The following ACSL5 variants were observed in gnomAD, a reference collection of about 807,000 sequenced individuals.
The protein encoded by ACSL5 is acyl-CoA synthetase long chain family member 5.
A neutral mutation model predicts 84.9 loss-of-function variants in ACSL5; 50 were observed. The observed-to-expected ratio is 0.59, with a 90% CI of 0.47 to 0.75. The LOEUF (loss-of-function observed/expected upper bound fraction) is 0.75. Among genes scored for constraint, ACSL5 ranks in the 30% least tolerant of loss-of-function variants. The pLI is 0.00. For missense variants in ACSL5, 775 were observed against 830.4 expected (o/e 0.93, Z 0.82); for synonymous variants, 280 against 300.7 (o/e 0.93, Z 0.71).
At chr10:112,383,840 G>A (rs907148215) in intron 1 of ACSL5, among the ~76,000 whole-genome samples, 3 of 151,526 alleles carry the variant, frequency 2.0e-5, no homozygotes, top group African/African-American at 7.3e-5. Context: ...GCATATTTCA[G>A]ATTAAACAGT....
chr10:112,422,560 T>C, intron 17 of ACSL5, 119 bp downstream of exon 17: 1 of 919,588 alleles, frequency 1.1e-6, no homozygotes, highest in South Asian at 1.5e-5. Context: ...CTGGAGGGGA[T>C]TAGGTTTGTA....
In ACSL5 at chr10:112,404,739, T is replaced by G; in HGVS notation, c.365T>G (p.Leu122Arg). Residue 122 changes from leucine to arginine, a missense_variant, in exon 5 of 21, where the codon CTC becomes CGC. Transcript: ENST00000354655. ...AGAGCAGAGTACCTGGGTTCCTGTC[T>G]CTTGCATAAAGGTTATAAATCATCA... is the stretch of plus-strand genomic sequence containing the variant. ...SDRAEYLGSC[L>R]LHKGYKSSPD... is the part of the protein sequence containing the mutation. 6.2e-7 allele frequency: 1 copy of G among 1,614,098 alleles called. No individual in the cohort carries two copies.
intron 1 of ACSL5, 38 bp from the exon 2 acceptor site, chr10:112,394,880 T>C: frequency 6.2e-7 from 1 of 1,603,788 alleles, no homozygotes; most frequent in Non-Finnish European, 8.5e-7. Context: ...AATATGGCCA[T>C]TTCCTCTAAA....
intron 5 of ACSL5, among the ~76,000 whole-genome samples, chr10:112,407,272 G>A (rs1415766345): frequency 6.6e-6 from 1 of 152,028 alleles, no homozygotes; most frequent in Non-Finnish European, 1.5e-5. Flanking sequence ...TTGCCAGGCT[G>A]GAGTACAGTG....
intron 12 of ACSL5, 23 bp from the exon 13 acceptor site, chr10:112,416,865 T>C: frequency 6.2e-7 from 1 of 1,611,654 alleles, no homozygotes. Flanking sequence ...GGTTTCCAAC[T>C]AAAAGGAGCT....
At chr10:112,412,263 T>C in intron 11 of ACSL5, 2 of 368,300 alleles carry the variant, frequency 5.4e-6, no homozygotes, top group Non-Finnish European at 9.7e-6. Context: ...ACTATCTATC[T>C]GCCCTTAATT....
intron 2 of ACSL5, among the ~76,000 whole-genome samples, chr10:112,395,311 C>G (rs57713932): frequency 6.6e-6 from 1 of 152,188 alleles, no homozygotes; most frequent in South Asian, 2.1e-4. Context: ...TGTCAGTAAT[C>G]TAGATTGGAG....
At chr10:112,385,509 G>A (rs543097227) in intron 1 of ACSL5, among the ~76,000 whole-genome samples, 9 of 152,280 alleles carry the variant, frequency 5.9e-5, no homozygotes, top group East Asian at 3.9e-4. Context: ...ATTTCTCACC[G>A]TTTCATCACT....
At chr10:112,419,710 G>A (rs995894520) in intron 14 of ACSL5, 2 of 152,078 alleles carry the variant, frequency 1.3e-5, no homozygotes, top group Non-Finnish European at 2.9e-5. Flanking sequence ...CATTTTTCCT[G>A]GTCTCATCAT....
At chr10:112,411,623 C>T (rs1172751594) in intron 10 of ACSL5, 94 bp downstream of exon 10, 7 of 1,044,842 alleles carry the variant, frequency 6.7e-6, no homozygotes, top group Admixed American at 4.1e-5. Flanking sequence ...CACACACACA[C>T]ACATACACAC....
chr10:112,426,405 G>A (rs368339317), intron 19 of ACSL5, 46 bp downstream of exon 19: 46 of 1,519,760 alleles, frequency 3.0e-5, no homozygotes, highest in African/African-American at 2.5e-4. Context: ...TGGGCCCATC[G>A]TGGAGGAGAG....
chr10:112,414,109 A>G lies in ACSL5; in HGVS notation c.1083+802A>G, dbSNP rs552566905. ...GTCATGTCGGCTAGTCATGTTGATG[A>G]CTAGCACTGCTCTATTTTTCATTAG... is the stretch of plus-strand genomic sequence containing the variant. On this transcript the variant is annotated intron_variant, in intron 12 of 20. Transcript: ENST00000354655. 2.6e-5 allele frequency among the ~76,000 whole-genome samples: 4 copies of G among 152,234 alleles called. No individual in the cohort carries two copies. The South Asian group carries it at 8.3e-4, about 32-fold the overall frequency.
intron 12 of ACSL5, among the ~76,000 whole-genome samples, chr10:112,416,207 C>T (rs193218384): frequency 2.6e-5 from 4 of 152,118 alleles, no homozygotes; most frequent in African/African-American, 9.7e-5. Flanking sequence ...CGTGGTGGCT[C>T]ACGCCTGTAA....
At chr10:112,376,221 G>A (rs895687986) in intron 1 of ACSL5, 14 of 1,531,740 alleles carry the variant, frequency 9.1e-6, no homozygotes, top group Admixed American at 8.0e-5. Flanking sequence ...TGAAGTCCCC[G>A]AGCACGTTAG....
chr10:112,411,589 A>G (rs1844178760), intron 10 of ACSL5, 60 bp downstream of exon 10: 9 of 1,507,474 alleles, frequency 6.0e-6, no homozygotes, highest in Non-Finnish European at 8.3e-6. Flanking sequence ...TAAGATTTTT[A>G]TTTTTGAGGT....
intron 14 of ACSL5, among the ~76,000 whole-genome samples, chr10:112,420,479 A>C (rs1844430142): frequency 6.6e-6 from 1 of 152,214 alleles, no homozygotes; most frequent in Non-Finnish European, 1.5e-5. Flanking sequence ...CAGATACCAG[A>C]TGGCTCACAA....
rs1212094840 is a variant in ACSL5, at chr10:112,427,487, C to G, written c.*129C>G. 6 of 857,666 alleles carry G rather than the reference C, an allele frequency of 7.0e-6. No homozygotes were observed. The South Asian group carries it at 1.4e-4, about 20-fold the overall frequency. 53.1% of individuals were successfully genotyped at this position (857,666 alleles called of 1,614,324 possible). A position where few individuals can be genotyped will look rare whatever the true frequency, so the allele number is the denominator to read the frequency against. On this transcript the variant is annotated 3_prime_UTR_variant, in exon 21 of 21. Transcript: ENST00000354655. ...AACCTGTTAAACTCTAAAGCCATAGCTTTTGTTTTATATTGAGACATATAA... is the reference window on the plus strand; with the variant it reads ...AACCTGTTAAACTCTAAAGCCATAGGTTTTGTTTTATATTGAGACATATAA...
intron 1 of ACSL5, among the ~76,000 whole-genome samples, chr10:112,379,096 CT>C (rs1259228492): frequency 2.0e-5 from 3 of 152,100 alleles, no homozygotes; most frequent in African/African-American, 7.2e-5. Flanking sequence ...TAGAAGTGCT[CT>C]GTTTAAATAG....
At chr10:112,380,182 G>A (rs1849322227) in intron 1 of ACSL5, among the ~76,000 whole-genome samples, 2 of 152,134 alleles carry the variant, frequency 1.3e-5, no homozygotes, top group African/African-American at 2.4e-5. Flanking sequence ...TGACTCTATC[G>A]ACCTGAGCTC....
Sources: gnomAD v4.1 joint callset for allele counts (sites outside exome capture counted in the v4.1 genomes callset) on GRCh38, gnomAD v4.1.1 for gene constraint, MANE v1.5 for transcripts, NCBI Gene and HGNC (gene_info 2026-07-23, HGNC 2026-07-21) for gene names.